DLC1: variants seen among roughly 807,000 people sequenced by gnomAD.
The protein encoded by DLC1 is rho GTPase-activating protein 7.
In DLC1, 54 loss-of-function variants were observed where a neutral mutation model predicts 140.3. The ratio of observed to expected loss-of-function variants is 0.38; its 90% CI spans 0.31 to 0.48. The LOEUF is 0.48. Among genes scored for constraint, DLC1 ranks in the 20% least tolerant of loss-of-function variants. The probability of loss-of-function intolerance (pLI) is 0.96; values close to 1 mark genes in which losing one functional copy is unlikely to be tolerated. For missense variants in DLC1, 2,536 were observed against 1,907.0 expected, an observed-to-expected ratio of 1.33 and a Z score of -6.14; for synonymous variants, 986 against 728.1, an observed-to-expected ratio of 1.35 and a Z score of -5.70.
At chr8:13,422,163 TTA>T (rs1838346415) in intron 2 of DLC1, among the ~76,000 whole-genome samples, 1 of 152,074 alleles carries the variant, frequency 6.6e-6, no homozygotes, top group Admixed American at 6.6e-5. Context: ...CCTTAAAATA[TTA>T]TGTTTTGAAG....
At chr8:13,130,126 C>T (rs967826676) in intron 5 of DLC1, among the ~76,000 whole-genome samples, 3 of 152,172 alleles carry the variant, frequency 2.0e-5, no homozygotes, top group African/African-American at 4.8e-5. Context: ...CATATTTACC[C>T]GCTTAAGTCA....
chr8:13,483,700 C>T (rs1018381054), intron 2 of DLC1, among the ~76,000 whole-genome samples: 2 of 151,970 alleles, frequency 1.3e-5, no homozygotes, highest in African/African-American at 4.8e-5. Context: ...GTGAACAGGG[C>T]CCAGATTGTG....
At chr8:13,590,173 A>G (rs1255861777) in intron 1 of DLC1, among the ~76,000 whole-genome samples, 1 of 151,362 alleles carries the variant, frequency 6.6e-6, no homozygotes, top group Non-Finnish European at 1.5e-5. Flanking sequence ...CCAATCCTAT[A>G]TTTACAGTAT....
chr8:13,398,149 TGTC>T (rs947827724), intron 3 of DLC1, among the ~76,000 whole-genome samples: 1 of 151,874 alleles, frequency 6.6e-6, no homozygotes, highest in African/African-American at 2.4e-5. Flanking sequence ...AACAAGACCT[TGTC>T]TCTAAAAAAT....
At chr8:13,298,315 G>C (rs73560593) in intron 5 of DLC1, among the ~76,000 whole-genome samples, 4,481 of 152,252 alleles carry the variant, frequency 0.029, 224 homozygotes, top group African/African-American at 0.1. Flanking sequence ...CTGTGGCACA[G>C]ATCCCCAAAT....
intron 5 of DLC1, among the ~76,000 whole-genome samples, chr8:13,279,483 A>G (rs1200453449): frequency 6.6e-6 from 1 of 152,240 alleles, no homozygotes; most frequent in Non-Finnish European, 1.5e-5. Flanking sequence ...AGGAAACCTC[A>G]TGGCATAAAT....
intron 5 of DLC1, among the ~76,000 whole-genome samples, chr8:13,154,423 C>T (rs13251989): frequency 0.34 from 51,145 of 152,058 alleles, 9,804 homozygotes; most frequent in East Asian, 0.53. Context: ...GCGCCCCCTC[C>T]GCAGCTGCTG....
At chr8:13,488,579 A>G (rs1040944698) in intron 2 of DLC1, among the ~76,000 whole-genome samples, 1 of 152,146 alleles carries the variant, frequency 6.6e-6, no homozygotes, top group African/African-American at 2.4e-5. Context: ...CAAAATCTAA[A>G]ATGTATCCTT....
chr8:13,556,109 T>C (rs1340415103), intron 1 of DLC1, among the ~76,000 whole-genome samples: 1 of 152,142 alleles, frequency 6.6e-6, no homozygotes, highest in Non-Finnish European at 1.5e-5. Flanking sequence ...GCAGTGCTTC[T>C]CACACCTCAA....
intron 2 of DLC1, among the ~76,000 whole-genome samples, chr8:13,457,903 A>C (rs1475093932): frequency 1.3e-5 from 2 of 152,086 alleles, no homozygotes; most frequent in Non-Finnish European, 2.9e-5. Flanking sequence ...AATAGCTGAA[A>C]AGAGAAGTTA....
intron 5 of DLC1, among the ~76,000 whole-genome samples, chr8:13,267,135 T>C (rs1332135577): frequency 6.6e-6 from 1 of 152,250 alleles, no homozygotes; most frequent in East Asian, 1.9e-4. Context: ...TGAAATTACA[T>C]GTTCAAACTT....
chr8:13,482,563 C>A (rs1378357882), intron 2 of DLC1, among the ~76,000 whole-genome samples: 1 of 152,022 alleles, frequency 6.6e-6, no homozygotes, highest in Non-Finnish European at 1.5e-5. Context: ...TTCTATCAAG[C>A]AAAATAAGGT....
intron 1 of DLC1, among the ~76,000 whole-genome samples, chr8:13,544,127 G>T (rs1803575633): frequency 6.6e-6 from 1 of 151,060 alleles, no homozygotes; most frequent in Non-Finnish European, 1.5e-5. Flanking sequence ...AATATATATA[G>T]TAAACAATGC....
chr8:13,233,300 A>T (rs866682591), intron 5 of DLC1, among the ~76,000 whole-genome samples: 34,686 of 100,300 alleles, frequency 0.35, 5,065 homozygotes, highest in East Asian at 0.61. Flanking sequence ...GTATAAAAAA[A>T]AAAAAAAAAA....
chr8:13,141,730 CT>C (rs1347805938), intron 5 of DLC1, among the ~76,000 whole-genome samples: 1 of 152,208 alleles, frequency 6.6e-6, no homozygotes, highest in Non-Finnish European at 1.5e-5. Context: ...CATTAACTTA[CT>C]TTAATAGTCA....
At chr8:13,102,666 G>T in intron 8 of DLC1, 124 bp downstream of exon 8, 1 of 837,532 alleles carries the variant, frequency 1.2e-6, no homozygotes, top group South Asian at 1.5e-5. Flanking sequence ...TATCATTCAA[G>T]ATGTAGATGC....
chr8:13,587,209 C>G (rs1022676595), intron 1 of DLC1, among the ~76,000 whole-genome samples: 9 of 151,330 alleles, frequency 5.9e-5, no homozygotes, highest in Non-Finnish European at 1.3e-4. Flanking sequence ...TGTGAGTGGC[C>G]ATTAGATGAA....
At chr8:13,265,871 T>A (rs969735767) in intron 5 of DLC1, among the ~76,000 whole-genome samples, 4 of 152,204 alleles carry the variant, frequency 2.6e-5, no homozygotes, top group African/African-American at 9.7e-5. Context: ...CACAGGGTGG[T>A]TGGTCACAGA....
intron 2 of DLC1, among the ~76,000 whole-genome samples, chr8:13,472,336 C>T (rs893676945): frequency 2.0e-5 from 3 of 151,972 alleles, no homozygotes; most frequent in African/African-American, 7.3e-5. Context: ...CATTCATTTT[C>T]TTGGGGGAGG....
Sources: allele counts gnomAD v4.1 joint callset (sites outside exome capture counted in the v4.1 genomes callset), GRCh38; gene constraint gnomAD v4.1.1; transcripts MANE v1.5; gene names NCBI Gene and HGNC (gene_info 2026-07-23, HGNC 2026-07-21).